RDX: variants seen among roughly 807,000 people sequenced by gnomAD.
RDX encodes the protein deafness, autosomal recessive 24.
RDX carries 32 observed loss-of-function variants against 83.7 expected under a neutral mutation model. The observed-to-expected ratio is 0.38, with a 90% CI of 0.29 to 0.51. RDX has a LOEUF of 0.51. Among genes scored for constraint, RDX ranks in the 20% least tolerant of loss-of-function variants. The pLI is 0.87. For synonymous variants in RDX, 229 were observed against 222.7 expected (o/e 1.03, Z -0.25); for missense variants, 600 against 689.9 (o/e 0.87, Z 1.46).
At chr11:110,295,248 T>C (rs1861398063) in intron 1 of RDX, among the ~76,000 whole-genome samples, 2 of 147,512 alleles carry the variant, frequency 1.4e-5, no homozygotes, top group African/African-American at 5.0e-5. Flanking sequence ...TCCAGCAACA[T>C]GAACGGGGTA....
At chr11:110,197,030 C>G (rs567566090) in intron 15 of RDX, among the ~76,000 whole-genome samples, 2 of 152,308 alleles carry the variant, frequency 1.3e-5, no homozygotes, top group South Asian at 4.1e-4. Flanking sequence ...TCCCGAGTAG[C>G]TGGGATCACA....
At chr11:110,180,403 G>A (rs1394047226) in intron 15 of RDX, among the ~76,000 whole-genome samples, 3 of 152,090 alleles carry the variant, frequency 2.0e-5, no homozygotes, top group Non-Finnish European at 2.9e-5. Context: ...TTCAGCGGTC[G>A]GAATCTTCCC....
At chr11:110,294,804 T>A (rs993233321) in intron 1 of RDX, among the ~76,000 whole-genome samples, 6 of 152,160 alleles carry the variant, frequency 3.9e-5, no homozygotes, top group Non-Finnish European at 8.8e-5. Flanking sequence ...CTTCTGAGAC[T>A]CTCCTACATA....
Position 110,231,600 on chromosome 11 carries a change from GAAAA to G in RDX, c.*265_*268del. 2.4e-6 allele frequency: 1 copy of G among 420,152 alleles called. No individual in the cohort carries two copies. The highest frequency in any genetic ancestry group is 4.3e-6 in the Non-Finnish European group (1 of 232,122). The allele number at this position is 420,152 out of a possible 1,614,324, so 26.0% of individuals were successfully genotyped here. A position where few individuals can be genotyped will look rare whatever the true frequency, so the allele number is the denominator to read the frequency against. On this transcript the variant is annotated 3_prime_UTR_variant, in exon 14 of 14. Transcript: ENST00000645495. Reference sequence around the variant, plus strand: ...TGATAATTAGTGTTAATCTTCAACAGAAAAAAAAAAGAAAAAGAAAAAAAATGTG... The same window carrying G: ...TGATAATTAGTGTTAATCTTCAACAGAAAAAAGAAAAAGAAAAAAAATGTG...
intron 2 of RDX, among the ~76,000 whole-genome samples, chr11:110,278,059 C>T (rs150325248): frequency 0.011 from 1,672 of 152,204 alleles, 21 homozygotes; most frequent in Non-Finnish European, 0.016. Context: ...TTATAGTTCT[C>T]CAGTAAATTG....
intron 2 of RDX, among the ~76,000 whole-genome samples, chr11:110,274,399 T>A (rs559383790): frequency 6.6e-6 from 1 of 152,332 alleles, no homozygotes; most frequent in East Asian, 1.9e-4. Context: ...AGCTTCATTT[T>A]TCTTGATTTT....
intron 10 of RDX, among the ~76,000 whole-genome samples, chr11:110,241,815 A>G (rs1865110466): frequency 6.6e-6 from 1 of 152,234 alleles, no homozygotes; most frequent in Admixed American, 6.5e-5. Flanking sequence ...CAGATAAGCA[A>G]AATGTGGTAT....
chr11:110,265,382 G>C (rs1006106860), intron 3 of RDX, among the ~76,000 whole-genome samples: 8 of 151,928 alleles, frequency 5.3e-5, no homozygotes, highest in African/African-American at 1.2e-4. Flanking sequence ...GTAAGCCACT[G>C]CACCTGGCCT....
chr11:110,209,710 AC>A (rs1177911672), intron 14 of RDX, among the ~76,000 whole-genome samples: 25 of 145,076 alleles, frequency 1.7e-4, no homozygotes, highest in East Asian at 1.1e-3. Context: ...ACTGGGAGGC[AC>A]CCCCCAGCAG....
At chr11:110,202,912 G>A (rs1291177683) in intron 14 of RDX, among the ~76,000 whole-genome samples, 1 of 151,992 alleles carries the variant, frequency 6.6e-6, no homozygotes, top group Non-Finnish European at 1.5e-5. Flanking sequence ...TGAAGAAAAG[G>A]GAACCTTTGT....
intron 14 of RDX, among the ~76,000 whole-genome samples, chr11:110,204,677 C>T (rs148119553): frequency 1.0e-3 from 159 of 151,984 alleles, no homozygotes; most frequent in African/African-American, 3.3e-3. Context: ...CCACCATGCC[C>T]GGTTAATTTT....
At chr11:110,200,424 GA>G (rs1863360575) in intron 14 of RDX, 1 of 152,234 alleles carries the variant, frequency 6.6e-6, no homozygotes, top group Admixed American at 6.5e-5. Flanking sequence ...ACTTGACAAA[GA>G]AACTGCTAAA....
chr11:110,255,240 T>G, intron 8 of RDX, 49 bp downstream of exon 8: 1 of 949,144 alleles, frequency 1.1e-6, no homozygotes, highest in South Asian at 1.4e-5. Flanking sequence ...CATGGGAAAC[T>G]AGCAGATATT....
chr11:110,205,595 G>T (rs1863574213), intron 14 of RDX, among the ~76,000 whole-genome samples: 1 of 150,896 alleles, frequency 6.6e-6, no homozygotes, highest in Non-Finnish European at 1.5e-5. Flanking sequence ...TAAAAAACAG[G>T]CAAAAAAAAA....
At chr11:110,246,709 C>T (rs928300419) in intron 10 of RDX, among the ~76,000 whole-genome samples, 1 of 144,786 alleles carries the variant, frequency 6.9e-6, no homozygotes, top group African/African-American at 2.6e-5. Context: ...GAGATCATGC[C>T]ACTGTACTCC....
intron 2 of RDX, chr11:110,273,141 G>C (rs1860369783): frequency 2.2e-6 from 1 of 454,260 alleles, no homozygotes; most frequent in Admixed American, 2.4e-5. Context: ...GAGCCTAGGA[G>C]TTTGAGGGCT....
chr11:110,177,996 G>A (rs1862810792), intron 15 of RDX, among the ~76,000 whole-genome samples: 1 of 151,908 alleles, frequency 6.6e-6, no homozygotes, highest in African/African-American at 2.4e-5. Context: ...ACCATAACAT[G>A]CAAAACTCCC....
intron 10 of RDX, among the ~76,000 whole-genome samples, chr11:110,240,509 C>T (rs1031178486): frequency 2.6e-5 from 4 of 151,852 alleles, no homozygotes; most frequent in East Asian, 1.9e-4. Context: ...TTTGGGAGGC[C>T]GAGGCGGGCG....
chr11:110,289,223 A>G (rs1861114131), intron 1 of RDX, among the ~76,000 whole-genome samples: 1 of 145,912 alleles, frequency 6.9e-6, no homozygotes, highest in Non-Finnish European at 1.5e-5. Flanking sequence ...CGGCAACAAG[A>G]GCAAAACTCT....
Sources: allele counts gnomAD v4.1 joint callset (sites outside exome capture counted in the v4.1 genomes callset), GRCh38; gene constraint gnomAD v4.1.1; transcripts MANE v1.5; gene names NCBI Gene and HGNC (gene_info 2026-07-23, HGNC 2026-07-21).